PRICKLE1: variants seen among roughly 807,000 people sequenced by gnomAD.
PRICKLE1 encodes prickle planar cell polarity protein 1.
A neutral mutation model predicts 70.2 loss-of-function variants in PRICKLE1; 14 were observed. That is an observed-to-expected ratio of 0.20 (90% CI 0.13 to 0.31). The LOEUF is 0.31. Among genes scored for constraint, PRICKLE1 ranks in the 10% least tolerant of loss-of-function variants. The probability of loss-of-function intolerance (pLI) is 1.00; values close to 1 mark genes in which losing one functional copy is unlikely to be tolerated. For missense variants in PRICKLE1, 821 were observed against 1,026.2 expected (o/e 0.80, Z 2.73); for synonymous variants, 357 against 379.9 (o/e 0.94, Z 0.70).
chr12:42,583,020 C>G (rs577918845), intron 1 of PRICKLE1, among the ~76,000 whole-genome samples: 1 of 150,900 alleles, frequency 6.6e-6, no homozygotes, highest in African/African-American at 2.5e-5. Context: ...TTGTAGTTAA[C>G]AAGTTATGTG....
At chr12:42,473,831 CA>C (rs60989255) in intron 1 of PRICKLE1, among the ~76,000 whole-genome samples, 114,677 of 145,694 alleles carry the variant, frequency 0.79, 45,200 homozygotes, top group Non-Finnish European at 0.84. Flanking sequence ...GGAAGGATGT[CA>C]AAAAAAAAAA....
intron 1 of PRICKLE1, among the ~76,000 whole-genome samples, chr12:42,497,696 T>C (rs1939232427): frequency 6.6e-6 from 1 of 152,286 alleles, no homozygotes; most frequent in Admixed American, 6.5e-5. Flanking sequence ...GTTTGAAATA[T>C]TGCTAGAATT....
rs1294910838 is a variant in PRICKLE1, at chr12:42,459,851, C to G, written c.2454G>C (p.Lys818Asn). 1.2e-6 allele frequency: 2 copies of G among 1,614,060 alleles called. No individual in the cohort carries two copies. Among genetic ancestry groups the G allele is most frequent in the African/African-American group, 2.7e-5 (2 of 75,016 alleles). The part of the protein sequence containing the change: ...PQFGQRTTKS[K>N]KKKGHKGKNC... ...TTTTGCCCTTGTGTCCCTTTTTCTT[C>G]TTGGATTTTGTTGTCCTCTGACCAA... Residue 818 changes from lysine (K) to asparagine (N), a missense_variant, in exon 8 of 8, where the codon AAG becomes AAC. Physicochemically the swap from Lys to Asn is moderately conservative, Grantham distance 94 (BLOSUM62 0). Transcript: ENST00000345127.
chr12:42,545,616 A>G (rs1465252430), intron 1 of PRICKLE1, among the ~76,000 whole-genome samples: 1 of 152,218 alleles, frequency 6.6e-6, no homozygotes, highest in African/African-American at 2.4e-5. Flanking sequence ...TGGGAGGCCA[A>G]GGCAGGCAGA....
At chr12:42,565,807 C>G (rs1397391372) in intron 1 of PRICKLE1, among the ~76,000 whole-genome samples, 1 of 152,180 alleles carries the variant, frequency 6.6e-6, no homozygotes, top group African/African-American at 2.4e-5. Flanking sequence ...TGAGGACAGA[C>G]TGGGCTAAGG....
chr12:42,547,907 A>C (rs543679561), intron 1 of PRICKLE1, among the ~76,000 whole-genome samples: 2 of 152,314 alleles, frequency 1.3e-5, no homozygotes, highest in African/African-American at 4.8e-5. Context: ...ATATGTAATG[A>C]GATATCACGA....
chr12:42,465,109 C>A lies in PRICKLE1; in HGVS notation c.925G>T (p.Gly309Cys). 6.4e-7 allele frequency: 1 copy of A among 1,568,032 alleles called. No homozygotes were observed. Residue 309 changes from glycine to cysteine, a missense_variant, in exon 7 of 8, where the codon GGT becomes TGT. By Grantham distance (159) the Gly-to-Cys change is radical. Coordinates refer to ENST00000345127, the MANE Select transcript of PRICKLE1 (RefSeq NM_153026.3). ...QIYCSKTCSL[G>C]EDVHASDSSD... ...GAATCAGAGGCATGGACGTCTTCACCAAGACTGCACGTTTTTGAGCAGTAA... is the reference window on the plus strand; with the variant it reads ...GAATCAGAGGCATGGACGTCTTCACAAAGACTGCACGTTTTTGAGCAGTAA...
intron 4 of PRICKLE1, 89 bp from the exon 5 acceptor site, chr12:42,468,918 G>A: frequency 1.5e-6 from 2 of 1,304,908 alleles, no homozygotes. Context: ...TCTCGAATTT[G>A]TCAGGAATGT....
intron 1 of PRICKLE1, among the ~76,000 whole-genome samples, chr12:42,552,299 C>A (rs911469314): frequency 5.3e-5 from 8 of 152,094 alleles, no homozygotes; most frequent in Non-Finnish European, 1.2e-4. Flanking sequence ...AACTCCCGGG[C>A]TCAAGCAATC....
chr12:42,539,466 T>TGA (rs1940070444), intron 1 of PRICKLE1, among the ~76,000 whole-genome samples: 1 of 143,406 alleles, frequency 7.0e-6, no homozygotes, highest in Admixed American at 7.0e-5. Flanking sequence ...AGACTCTGTC[T>TGA]CAAAAAAAAA....
intron 1 of PRICKLE1, among the ~76,000 whole-genome samples, chr12:42,535,345 G>A (rs1939999075): frequency 6.6e-6 from 1 of 152,148 alleles, no homozygotes; most frequent in African/African-American, 2.4e-5. Context: ...TTTAGTCCTG[G>A]ACTTTTCAAC....
At chr12:42,531,814 AAG>A (rs1484729819) in intron 1 of PRICKLE1, among the ~76,000 whole-genome samples, 1 of 152,204 alleles carries the variant, frequency 6.6e-6, no homozygotes, top group Non-Finnish European at 1.5e-5. Flanking sequence ...AATGAAGAGA[AAG>A]AGCATTATTT....
At chr12:42,472,297 G>A (rs1566087272) in intron 2 of PRICKLE1, 88 bp downstream of exon 2, 2 of 1,423,420 alleles carry the variant, frequency 1.4e-6, no homozygotes, top group Non-Finnish European at 9.8e-7. Flanking sequence ...GCATCTCAGT[G>A]ATGTTCTATC....
chr12:42,553,186 T>C (rs1375880066), intron 1 of PRICKLE1, among the ~76,000 whole-genome samples: 1 of 152,136 alleles, frequency 6.6e-6, no homozygotes, highest in Admixed American at 6.5e-5. Flanking sequence ...CTCACGCCTG[T>C]AATCCCAGCA....
At chr12:42,486,956 G>T (rs1939001789) in intron 1 of PRICKLE1, among the ~76,000 whole-genome samples, 1 of 152,146 alleles carries the variant, frequency 6.6e-6, no homozygotes, top group Non-Finnish European at 1.5e-5. Flanking sequence ...AAATAGGGTG[G>T]CAGTTCTAGT....
At chr12:42,465,725 G>A in intron 6 of PRICKLE1, 2 of 273,954 alleles carry the variant, frequency 7.3e-6, no homozygotes, top group South Asian at 8.9e-5. Context: ...CAAGAAGGCT[G>A]TGATGTGCCT....
chr12:42,497,359 C>T lies in PRICKLE1; in HGVS notation c.-48-24795G>A, dbSNP rs568583455. Among the ~76,000 whole-genome samples the T allele has an allele frequency of 1.3e-4, 20 of 151,878 alleles. 1 individual carries two copies. The highest frequency in any genetic ancestry group is 2.8e-4 in the Non-Finnish European group (19 of 67,932). ...AGGAGATCAAGATCATCCTGGCTAA[C>T]ACGGTGAAACCCTGTCTCTACTAAA... is the stretch of plus-strand genomic sequence containing the variant. On this transcript the variant is annotated intron_variant, in intron 1 of 7. Transcript: ENST00000345127.
intron 1 of PRICKLE1, among the ~76,000 whole-genome samples, chr12:42,585,556 G>A (rs1165013985): frequency 6.6e-6 from 1 of 151,976 alleles, no homozygotes; most frequent in African/African-American, 2.4e-5. Flanking sequence ...GTGTCATTCT[G>A]GCATACAGAA....
rs111575796 is a variant in PRICKLE1 at position 42,534,189 on chromosome 12, A to C, written c.-49+55276T>G. ...AAGAAAGAAAGAAAGAAAAGAGCAG[A>C]TCCGGATGCAGAAGGGGTCAGGAAA... is the stretch of plus-strand genomic sequence containing the variant. On this transcript the variant is annotated intron_variant, in intron 1 of 7. Coordinates refer to ENST00000345127, the MANE Select transcript of PRICKLE1 (RefSeq NM_153026.3). 2.3e-3 allele frequency among the ~76,000 whole-genome samples: 350 copies of C among 152,328 alleles called. 2 individuals are homozygous for C. The highest frequency in any genetic ancestry group is 8.1e-3 in the African/African-American group (335 of 41,572).
Sources: gnomAD v4.1 joint callset for allele counts (sites outside exome capture counted in the v4.1 genomes callset) on GRCh38, gnomAD v4.1.1 for gene constraint, MANE v1.5 for transcripts, NCBI Gene and HGNC (gene_info 2026-07-23, HGNC 2026-07-21) for gene names.